The following DDX46 variants were observed in gnomAD, a reference collection of about 807,000 sequenced individuals.
DDX46 encodes the protein probable ATP-dependent RNA helicase DDX46.
A neutral mutation model predicts 134.9 loss-of-function variants in DDX46; 30 were observed. The ratio of observed to expected loss-of-function variants is 0.22; its 90% CI spans 0.17 to 0.30. DDX46 has a LOEUF of 0.30. Among genes scored for constraint, DDX46 ranks in the 10% least tolerant of loss-of-function variants. DDX46 has a pLI of 1.00. For synonymous variants in DDX46, 415 were observed against 404.1 expected (o/e 1.03, Z -0.32); for missense variants, 622 against 1,248.7 (o/e 0.50, Z 7.56).
intron 4 of DDX46, 61 bp from the exon 5 acceptor site, chr5:134,773,635 T>A: frequency 3.3e-6 from 5 of 1,497,402 alleles, no homozygotes; most frequent in Non-Finnish European, 4.4e-6. Context: ...GGAGCAAAAT[T>A]ATTAAATTTG....
intron 15 of DDX46, among the ~76,000 whole-genome samples, chr5:134,799,886 C>T (rs1330282136): frequency 2.0e-5 from 3 of 151,218 alleles, no homozygotes. Flanking sequence ...CTCTTAAAAA[C>T]AAACCAAAAA....
chr5:134,810,350 T>G (rs1755107361), intron 16 of DDX46, among the ~76,000 whole-genome samples: 1 of 151,868 alleles, frequency 6.6e-6, no homozygotes, highest in East Asian at 1.9e-4. Flanking sequence ...TTTCTTTTTT[T>G]TTTTTGAGAC....
intron 18 of DDX46, 70 bp downstream of exon 18, chr5:134,811,915 A>G (rs1755156081): frequency 1.3e-6 from 2 of 1,533,734 alleles, no homozygotes; most frequent in South Asian, 1.3e-5. Context: ...CTTGCCATAT[A>G]TGGTTATCAA....
At chr5:134,782,668 G>C (rs1754192256) in intron 8 of DDX46, among the ~76,000 whole-genome samples, 1 of 151,822 alleles carries the variant, frequency 6.6e-6, no homozygotes. Context: ...AGCCTCCCGA[G>C]TAGCTGGGAC....
Position 134,758,856 on chromosome 5 carries a change from G to A in DDX46, c.-83G>A. ...TGTTTAGCGCTGGTCTTTGCCGGGC[G>A]TTGAGGGCAGCTCAGCCTCCTTGTT... On this transcript the variant is annotated 5_prime_UTR_variant, in exon 1 of 23. Transcript: ENST00000452510. 7 of 1,607,370 alleles carry A rather than the reference G, an allele frequency of 4.4e-6. No individual in the cohort carries two copies. The Admixed American group carries it at 8.3e-5, about 19-fold the overall frequency.
At chr5:134,760,762 G>T (rs183867630) in intron 1 of DDX46, among the ~76,000 whole-genome samples, 1 of 152,108 alleles carries the variant, frequency 6.6e-6, no homozygotes, top group African/African-American at 2.4e-5. Flanking sequence ...ACAGAGTCTC[G>T]CTCTTTCGCC....
chr5:134,763,768 C>T, intron 1 of DDX46, 136 bp from the exon 2 acceptor site: 6 of 1,068,742 alleles, frequency 5.6e-6, no homozygotes, highest in African/African-American at 4.8e-5. Flanking sequence ...TTTTTCCCTC[C>T]TAATTTTAGA....
Position 134,782,979 on chromosome 5 carries a change from T to A in DDX46, c.1080T>A (p.Ile360=). 6.2e-7 allele frequency: 1 copy of A among 1,613,882 alleles called. No individual in the cohort carries two copies. Among genetic ancestry groups the A allele is most frequent in the South Asian group, 1.1e-5 (1 of 91,066 alleles). Residue 360 remains isoleucine, a synonymous_variant, in exon 9 of 23, where the codon ATT becomes ATA. Coordinates refer to ENST00000452510, the MANE Select transcript of DDX46 (RefSeq NM_001300860.2). ...VNVFRLEMEG[I]TVKGKGCPKP... is the part of the protein sequence containing the mutation. ...TGTTTCGATTGGAAATGGAGGGCATTACAGTTAAAGGAAAAGGTTGCCCCA... is the reference window on the plus strand; with the variant it reads ...TGTTTCGATTGGAAATGGAGGGCATAACAGTTAAAGGAAAAGGTTGCCCCA...
intron 3 of DDX46, 62 bp downstream of exon 3, chr5:134,767,122 C>CTTT: frequency 2.5e-6 from 3 of 1,209,746 alleles, no homozygotes; most frequent in East Asian, 2.8e-5. Flanking sequence ...TTCTCTGCGC[C>CTTT]TTTTTTTTTT....
intron 3 of DDX46, among the ~76,000 whole-genome samples, chr5:134,768,111 T>A (rs989597887): frequency 7.2e-6 from 1 of 139,538 alleles, no homozygotes; most frequent in Non-Finnish European, 1.5e-5. Context: ...AAGTGAAGAT[T>A]TTTTTTTTTT....
chr5:134,790,704 C>T (rs1355956741), intron 13 of DDX46, 152 bp downstream of exon 13: 5 of 628,034 alleles, frequency 8.0e-6, no homozygotes, highest in Non-Finnish European at 1.0e-5. Context: ...TATTGAAGTA[C>T]ATATTTATGT....
At chr5:134,800,984 C>G (rs568125764) in intron 15 of DDX46, among the ~76,000 whole-genome samples, 2 of 151,904 alleles carry the variant, frequency 1.3e-5, no homozygotes, top group Non-Finnish European at 2.9e-5. Flanking sequence ...CTCATGTATT[C>G]TTTTAAGAAC....
At chr5:134,772,888 G>A (rs930910324) in intron 4 of DDX46, among the ~76,000 whole-genome samples, 1 of 152,096 alleles carries the variant, frequency 6.6e-6, no homozygotes, top group Non-Finnish European at 1.5e-5. Context: ...TGCAACCTCT[G>A]CCTCCTGAGT....
rs552204463 is a variant in DDX46 at position 134,822,784 on chromosome 5, C to T, written c.2977+3780C>T. On this transcript the variant is annotated intron_variant, in intron 21 of 22. Coordinates refer to ENST00000452510, the MANE Select transcript of DDX46 (RefSeq NM_001300860.2). ...TAGAGATGGGTTTTCACTATGTTGC[C>T]CAGACTGTTCTTGAACTCCTGGGCT... Among the ~76,000 whole-genome samples, 38 of 152,056 alleles carry T rather than the reference C, an allele frequency of 2.5e-4. No individual in the cohort carries two copies. The Middle Eastern group carries it at 0.014, about 54-fold the overall frequency.
chr5:134,811,464 G>A (rs1247569043), intron 17 of DDX46, 106 bp downstream of exon 17: 23 of 1,425,840 alleles, frequency 1.6e-5, no homozygotes, highest in Admixed American at 4.9e-5. Context: ...ATTTTGCTAC[G>A]ACTATTTTTA....
At chr5:134,791,818 A>G (rs1754511823) in intron 13 of DDX46, among the ~76,000 whole-genome samples, 2 of 152,188 alleles carry the variant, frequency 1.3e-5, no homozygotes, top group South Asian at 2.1e-4. Flanking sequence ...TGAGATGTAA[A>G]TAGAGGAACA....
At chr5:134,806,009 T>C (rs1366509074) in intron 15 of DDX46, among the ~76,000 whole-genome samples, 1 of 150,398 alleles carries the variant, frequency 6.6e-6, no homozygotes, top group Non-Finnish European at 1.5e-5. Context: ...GGTCAGGAGT[T>C]CAAGACCAGC....
chr5:134,828,191 A>T (rs1755641123), intron 22 of DDX46, among the ~76,000 whole-genome samples: 1 of 151,842 alleles, frequency 6.6e-6, no homozygotes, highest in African/African-American at 2.4e-5. Flanking sequence ...GTTGTCTTTT[A>T]TCTAAGTGTA....
chr5:134,804,886 G>A (rs1301163237), intron 15 of DDX46: 2 of 374,950 alleles, frequency 5.3e-6, no homozygotes, highest in East Asian at 6.2e-5. Context: ...AACACACATG[G>A]AACCACCATA....
Sources: allele counts gnomAD v4.1 joint callset (sites outside exome capture counted in the v4.1 genomes callset), GRCh38; gene constraint gnomAD v4.1.1; transcripts MANE v1.5; gene names NCBI Gene and HGNC (gene_info 2026-07-23, HGNC 2026-07-21).